FBLN1: variants seen among roughly 807,000 people sequenced by gnomAD.
FBLN1 encodes fibulin-1.
In FBLN1, 34 loss-of-function variants were observed where a neutral mutation model predicts 89.7. The ratio of observed to expected loss-of-function variants is 0.38; its 90% CI spans 0.29 to 0.50. The LOEUF (loss-of-function observed/expected upper bound fraction) is 0.50, where lower values mean the gene tolerates loss of function less well. Among genes scored for constraint, FBLN1 ranks in the 20% least tolerant of loss-of-function variants. The pLI, the probability that FBLN1 is intolerant of heterozygous loss-of-function variation, is 0.92. For missense variants in FBLN1, 777 were observed against 988.1 expected (o/e 0.79, Z 2.86); for synonymous variants, 393 against 391.3 (o/e 1.00, Z -0.05).
At chr22:45,565,046 T>C in intron 14 of FBLN1, 2 of 1,609,634 alleles carry the variant, frequency 1.2e-6, no homozygotes, top group Non-Finnish European at 1.7e-6. Context: ...GCTGAGCAGC[T>C]GTGATTGTGC....
chr22:45,527,794 C>T (rs548370820), intron 3 of FBLN1, 53 bp from the exon 4 acceptor site: 1 of 1,608,118 alleles, frequency 6.2e-7, no homozygotes. Flanking sequence ...CTCGTGGACC[C>T]CGCTGGGCTG....
intron 14 of FBLN1, among the ~76,000 whole-genome samples, chr22:45,559,505 C>T (rs538029648): frequency 6.6e-6 from 1 of 152,326 alleles, no homozygotes; most frequent in South Asian, 2.1e-4. Flanking sequence ...AGCCCTCACC[C>T]TACCAGTCAG....
Position 45,575,379 on chromosome 22 carries a change from G to T in FBLN1, c.1840+726G>T, listed in dbSNP as rs1003055075. On this transcript the variant is annotated intron_variant, in intron 15 of 16. Transcript: ENST00000327858. This position sits in a 1 kb window ranked among gnomAD's most constrained non-coding sequence, Gnocchi z 6.3. ...TGGCCAGAAGGGTCTGGAGGTATGG[G>T]GGGGCGGTGTGGGCGTTTGAGAAAC... Among the ~76,000 whole-genome samples the T allele has an allele frequency of 1.3e-5, 2 of 152,124 alleles. No individual in the cohort carries two copies. Among genetic ancestry groups the T allele is most frequent in the African/African-American group, 2.4e-5 (1 of 41,436 alleles).
chr22:45,505,471 C>G (rs1446367765), intron 1 of FBLN1, among the ~76,000 whole-genome samples: 1 of 152,242 alleles, frequency 6.6e-6, no homozygotes, highest in African/African-American at 2.4e-5. Flanking sequence ...ACCCACAGCT[C>G]TGGCTCACGC....
chr22:45,582,330 C>T (rs2089049435), intron 16 of FBLN1, among the ~76,000 whole-genome samples: 1 of 152,194 alleles, frequency 6.6e-6, no homozygotes, highest in Non-Finnish European at 1.5e-5. Flanking sequence ...TCACAGTGCT[C>T]CCGGCCATGG....
At chr22:45,542,128 A>G (rs376469188) in intron 9 of FBLN1, 27 bp from the exon 10 acceptor site, 14 of 1,614,010 alleles carry the variant, frequency 8.7e-6, no homozygotes, top group Admixed American at 8.3e-5. Context: ...AAAGGTTTTC[A>G]TCATGGCTTT....
chr22:45,508,831 G>T (rs1212248561), intron 1 of FBLN1, among the ~76,000 whole-genome samples: 1 of 152,172 alleles, frequency 6.6e-6, no homozygotes, highest in African/African-American at 2.4e-5. Flanking sequence ...AGGCATGGGG[G>T]CAGGAGGCAG....
intron 14 of FBLN1, among the ~76,000 whole-genome samples, chr22:45,564,421 A>G (rs144289398): frequency 5.5e-4 from 84 of 152,272 alleles, no homozygotes; most frequent in African/African-American, 1.8e-3. Flanking sequence ...CTTGCATGCA[A>G]TTTCCAGCCT....
intron 1 of FBLN1, among the ~76,000 whole-genome samples, chr22:45,516,496 G>A (rs2238810): frequency 0.24 from 36,258 of 152,164 alleles, 4,557 homozygotes; most frequent in African/African-American, 0.29. Context: ...AGTGAATGGG[G>A]ACATTCAAGG....
intron 3 of FBLN1, among the ~76,000 whole-genome samples, chr22:45,525,890 G>A (rs181460643): frequency 2.8e-4 from 42 of 152,338 alleles, no homozygotes; most frequent in African/African-American, 9.6e-4. Flanking sequence ...GACACCTGGG[G>A]CCGAGTCTCC....
chr22:45,529,031 G>T (rs987332626), intron 4 of FBLN1, among the ~76,000 whole-genome samples: 4 of 152,178 alleles, frequency 2.6e-5, no homozygotes, highest in African/African-American at 9.7e-5. Context: ...AGAGCACCTG[G>T]CCCCATAAAT....
At chr22:45,570,319 C>CAAAAAAAAAAAAAAAAAAAAAA (rs761469854) in intron 14 of FBLN1, among the ~76,000 whole-genome samples, 2 of 36,438 alleles carry the variant, frequency 5.5e-5, no homozygotes, top group East Asian at 8.9e-4. Context: ...GACTCTGTCT[C>CAAAAAAAAAAAAAAAAAAAAAA]AAAAAAAAAA....
At chr22:45,543,371 G>T in intron 10 of FBLN1, 30 bp from the exon 11 acceptor site, 2 of 1,609,100 alleles carry the variant, frequency 1.2e-6, no homozygotes, top group Non-Finnish European at 8.5e-7. Context: ...GTTGGACATT[G>T]CCCTGAGTCA....
rs763836958 is a variant in FBLN1, at chr22:45,574,607, C to T, written c.1794C>T (p.His598=). 7 of 1,614,062 alleles carry T rather than the reference C, an allele frequency of 4.3e-6. No homozygotes were observed. In the African/African-American group the frequency reaches 8.0e-5, roughly 18 times the overall value. ...CVFDPVHTIS[H]TVISLPTFRE... is the part of the protein sequence containing the mutation. ...TCGACCCCGTGCACACCATCTCCCA[C>T]ACCGTCATCTCGCTGCCTACCTTCC... is the stretch of plus-strand genomic sequence containing the variant. Residue 598 remains histidine (H), a synonymous_variant, in exon 15 of 17, where the codon CAC becomes CAT. Transcript: ENST00000327858. The surrounding 1 kb of genome is among the most constrained non-coding windows in gnomAD (Gnocchi z 4.1).
At chr22:45,534,502 C>T (rs754304754) in intron 7 of FBLN1, among the ~76,000 whole-genome samples, 15 of 152,152 alleles carry the variant, frequency 9.9e-5, no homozygotes, top group African/African-American at 2.2e-4. Flanking sequence ...TGATGAGGAT[C>T]GTTTAGAACA....
At position 45,581,704 on chromosome 22, in the gene FBLN1, A is replaced by G. The variant is rs1281429308; in HGVS notation, c.1972+4596A>G. ...GCACGGGCATGACCATGGGGCAGTC[A>G]GGGGAGGCTTCCTGGAAGAGGTCAC... On this transcript the variant is annotated intron_variant, in intron 16 of 16. Transcript: ENST00000327858. This position sits in a 1 kb window ranked among gnomAD's most constrained non-coding sequence, Gnocchi z 7.6. 6.6e-6 allele frequency among the ~76,000 whole-genome samples: 1 copy of G among 151,908 alleles called. No individual in the cohort carries two copies. The highest frequency in any genetic ancestry group is 2.4e-5 in the African/African-American group (1 of 41,390).
chr22:45,507,695 T>G (rs1043468291), intron 1 of FBLN1, among the ~76,000 whole-genome samples: 5 of 151,976 alleles, frequency 3.3e-5, no homozygotes, highest in African/African-American at 1.2e-4. Context: ...ACCTGGCTAA[T>G]TTTTGTATTT....
chr22:45,538,599 A>AG (rs1429730919), intron 8 of FBLN1, among the ~76,000 whole-genome samples: 1 of 152,192 alleles, frequency 6.6e-6, no homozygotes, highest in Non-Finnish European at 1.5e-5. Context: ...CGTCTTTCTA[A>AG]GGAGAAAATA....
intron 14 of FBLN1, among the ~76,000 whole-genome samples, chr22:45,551,451 T>A (rs922120027): frequency 5.9e-5 from 9 of 152,184 alleles, no homozygotes; most frequent in African/African-American, 2.2e-4. Flanking sequence ...AGTGGTAGTG[T>A]CCACCTCTTG....
Sources: gnomAD v4.1 joint callset for allele counts (sites outside exome capture counted in the v4.1 genomes callset) on GRCh38, gnomAD v4.1.1 for gene constraint, Gnocchi (gnomAD v3.1) non-coding constraint, MANE v1.5 for transcripts, NCBI Gene and HGNC (gene_info 2026-07-23, HGNC 2026-07-21) for gene names.